PNPT1: variants seen among roughly 807,000 people sequenced by gnomAD.
PNPT1 encodes the protein polyribonucleotide nucleotidyltransferase 1, mitochondrial.
PNPT1 carries 53 observed loss-of-function variants against 119.5 expected under a neutral mutation model. The observed-to-expected ratio is 0.44, with a 90% CI of 0.36 to 0.56. The LOEUF (loss-of-function observed/expected upper bound fraction) is 0.56. PNPT1 is among the 20% of genes least tolerant of loss of function. The probability of loss-of-function intolerance (pLI) is 0.00; values close to 1 mark genes in which losing one functional copy is unlikely to be tolerated. For missense variants in PNPT1, 948 were observed against 938.5 expected (o/e 1.01, Z -0.13); for synonymous variants, 357 against 322.1 (o/e 1.11, Z -1.16).
chr2:55,678,656 A>G (rs1697157859), intron 8 of PNPT1, among the ~76,000 whole-genome samples: 2 of 152,140 alleles, frequency 1.3e-5, no homozygotes, highest in Admixed American at 1.3e-4. Flanking sequence ...AGGAATCTAG[A>G]TTTCTTAAGA....
At chr2:55,649,843 T>C (rs532395198) in intron 18 of PNPT1, among the ~76,000 whole-genome samples, 14 of 152,368 alleles carry the variant, frequency 9.2e-5, no homozygotes, top group African/African-American at 2.2e-4. Context: ...TAAATAAACC[T>C]GCTTAACCCT....
chr2:55,667,747 A>C, intron 12 of PNPT1, 115 bp downstream of exon 12: 1 of 1,324,162 alleles, frequency 7.6e-7, no homozygotes, highest in South Asian at 1.5e-5. Context: ...CAAATATTAT[A>C]ATTCTTTACT....
chr2:55,661,842 A>T lies in PNPT1; in HGVS notation c.1247+114T>A, dbSNP rs1489853674. 3.1e-6 allele frequency: 3 copies of T among 980,008 alleles called. No individual in the cohort carries two copies. In the East Asian group the frequency reaches 9.5e-5, roughly 31 times the overall value. 60.7% of individuals were successfully genotyped at this position (980,008 alleles called of 1,614,324 possible). On this transcript the variant is annotated intron_variant, in intron 14 of 27. Transcript: ENST00000447944. ...CATGATGATGTAAACAGAAAAATGA[A>T]GTACAAAAACACAGGTTAAAAAAAG...
At chr2:55,659,779 T>C (rs978908210) in intron 15 of PNPT1, among the ~76,000 whole-genome samples, 2 of 152,088 alleles carry the variant, frequency 1.3e-5, no homozygotes, top group African/African-American at 4.8e-5. Flanking sequence ...TTGACCTTAA[T>C]AGATATATGA....
intron 18 of PNPT1, among the ~76,000 whole-genome samples, chr2:55,649,348 T>C (rs1696101526): frequency 6.6e-6 from 1 of 152,208 alleles, no homozygotes; most frequent in South Asian, 2.1e-4. Context: ...AAAATCCTTT[T>C]CCTCCTGCAT....
intron 8 of PNPT1, among the ~76,000 whole-genome samples, chr2:55,677,498 G>A (rs1697110157): frequency 6.7e-6 from 1 of 149,684 alleles, no homozygotes; most frequent in South Asian, 2.1e-4. Context: ...GGAGACTGAG[G>A]CAGGAGAATC....
At chr2:55,662,695 T>C (rs1443549629) in intron 13 of PNPT1, among the ~76,000 whole-genome samples, 1 of 151,612 alleles carries the variant, frequency 6.6e-6, no homozygotes, top group African/African-American at 2.4e-5. Flanking sequence ...AAAAGAAAAA[T>C]AAATTAAGAA....
intron 14 of PNPT1, 99 bp from the exon 15 acceptor site, chr2:55,660,292 C>A: frequency 8.0e-7 from 1 of 1,251,368 alleles, no homozygotes. Context: ...TACAAAAGAA[C>A]TAGGTGTTAA....
chr2:55,644,567 A>C, intron 23 of PNPT1, 70 bp downstream of exon 23: 4 of 1,097,682 alleles, frequency 3.6e-6, no homozygotes, highest in African/African-American at 3.2e-5. Flanking sequence ...GCAACATACT[A>C]GAGATGAAAT....
chr2:55,686,091 A>G (rs537626009), intron 3 of PNPT1, among the ~76,000 whole-genome samples: 2 of 152,318 alleles, frequency 1.3e-5, no homozygotes, highest in South Asian at 4.1e-4. Context: ...TATGAGGGCA[A>G]TGAATTCATT....
intron 8 of PNPT1, among the ~76,000 whole-genome samples, chr2:55,676,837 C>T (rs782623): frequency 6.6e-6 from 1 of 151,082 alleles, no homozygotes; most frequent in Non-Finnish European, 1.5e-5. Flanking sequence ...ACTCCAGCCT[C>T]GGCAACAGAG....
chr2:55,645,989 G>C (rs529851526), intron 21 of PNPT1, among the ~76,000 whole-genome samples: 1 of 151,808 alleles, frequency 6.6e-6, no homozygotes, highest in Non-Finnish European at 1.5e-5. Flanking sequence ...CACCATGCCC[G>C]GCTAATTTTT....
intron 1 of PNPT1, among the ~76,000 whole-genome samples, chr2:55,693,279 A>T (rs1697680352): frequency 6.6e-6 from 1 of 152,224 alleles, no homozygotes; most frequent in Non-Finnish European, 1.5e-5. Flanking sequence ...GAGGGGCATC[A>T]GAGCCCCAGC....
intron 26 of PNPT1, among the ~76,000 whole-genome samples, chr2:55,640,108 A>G (rs1695791703): frequency 6.6e-6 from 1 of 151,914 alleles, no homozygotes; most frequent in Non-Finnish European, 1.5e-5. Context: ...GTAATATACT[A>G]TTTTATTGTC....
At chr2:55,647,262 A>C in intron 19 of PNPT1, 85 bp downstream of exon 19, 6 of 1,102,964 alleles carry the variant, frequency 5.4e-6, no homozygotes, top group East Asian at 2.6e-5. Flanking sequence ...TATAGTCTTC[A>C]CCATTATTTG....
chr2:55,679,435 G>C (rs1354741472), intron 8 of PNPT1, among the ~76,000 whole-genome samples: 1 of 151,794 alleles, frequency 6.6e-6, no homozygotes, highest in Non-Finnish European at 1.5e-5. Flanking sequence ...TTAAAATTTA[G>C]TCTAAAAATA....
chr2:55,672,123 A>T, intron 9 of PNPT1, 77 bp from the exon 10 acceptor site: 1 of 1,043,718 alleles, frequency 9.6e-7, no homozygotes, highest in South Asian at 1.5e-5. Flanking sequence ...ACAAAACTGA[A>T]ATATTTAATA....
intron 1 of PNPT1, among the ~76,000 whole-genome samples, chr2:55,693,336 T>A (rs1697682322): frequency 6.6e-6 from 1 of 152,056 alleles, no homozygotes; most frequent in African/African-American, 2.4e-5. Flanking sequence ...CTCACCCACG[T>A]CAACTCGTTA....
intron 13 of PNPT1, among the ~76,000 whole-genome samples, chr2:55,666,684 A>G (rs562864704): frequency 6.6e-6 from 1 of 152,252 alleles, no homozygotes; most frequent in African/African-American, 2.4e-5. Flanking sequence ...TACAAAAAAA[A>G]GTTTTTAATT....
Sources: allele counts gnomAD v4.1 joint callset (sites outside exome capture counted in the v4.1 genomes callset), GRCh38; gene constraint gnomAD v4.1.1; transcripts MANE v1.5; gene names NCBI Gene and HGNC (gene_info 2026-07-23, HGNC 2026-07-21).